Variants in CCDC66 observed in about 807,000 individuals in gnomAD.
CCDC66 encodes coiled-coil domain containing 66, also known as coiled-coil domain-containing protein 66.
Under a neutral mutation model 128.3 loss-of-function variants are expected in CCDC66, and 133 were observed. The ratio of observed to expected loss-of-function variants is 1.04; its 90% CI spans 0.90 to 1.20. The LOEUF (loss-of-function observed/expected upper bound fraction) is 1.20. Ranked by LOEUF, CCDC66 falls within the 50% of genes most tolerant of loss-of-function variation. The pLI is 0.00. For synonymous variants in CCDC66, 387 were observed against 357.0 expected (o/e 1.08, Z -0.95); for missense variants, 1,126 against 1,075.5 (o/e 1.05, Z -0.66).
intron 7 of CCDC66, among the ~76,000 whole-genome samples, chr3:56,592,188 G>A (rs2071028407): frequency 6.6e-6 from 1 of 152,178 alleles, no homozygotes; most frequent in Non-Finnish European, 1.5e-5. Flanking sequence ...TTCTCCTAGA[G>A]AGAGACATGA....
At chr3:56,619,944 G>GC in intron 17 of CCDC66, 43 bp downstream of exon 17, 1 of 1,590,490 alleles carries the variant, frequency 6.3e-7, no homozygotes, top group South Asian at 1.1e-5. Flanking sequence ...TCTTTATGTG[G>GC]CGTGGGCGGT....
intron 4 of CCDC66, among the ~76,000 whole-genome samples, chr3:56,566,050 A>G (rs1559609448): frequency 6.6e-6 from 1 of 152,134 alleles, no homozygotes; most frequent in East Asian, 1.9e-4. Context: ...TATTTGATAT[A>G]AGAAATTGTA....
At position 56,617,398 on chromosome 3, in the gene CCDC66, A is replaced by G; in HGVS notation, c.2130A>G (p.Lys710=). The G allele has an allele frequency of 6.2e-7, 1 of 1,614,024 alleles. No individual in the cohort carries two copies. The highest frequency in any genetic ancestry group is 8.5e-7 in the Non-Finnish European group (1 of 1,179,972). Residue 710 remains lysine (K), a synonymous_variant, in exon 14 of 18, where the codon AAA becomes AAG. Coordinates refer to ENST00000394672, the MANE Select transcript of CCDC66 (RefSeq NM_001141947.3). ...ATTGGAATATAAATAAGCCACCTAA[A>G]AGGTATATTCCAGCATCAGAAAAGT... ...RPDWNINKPP[K]RYIPASEKYP...
Position 56,563,868 on chromosome 3 carries a change from G to T in CCDC66, c.287G>T (p.Cys96Phe). ...GMTFSSTKDL[C>F]KQCIDKDCLH... ...ACTTTTTCATCCACTAAGGATTTAT[G>T]TAAACAATGTATAGATAAAGACTGT... Residue 96 changes from cysteine to phenylalanine, a missense_variant, in exon 4 of 18, where the codon TGT becomes TTT. Cys to Phe is a radical substitution (Grantham distance 205). Coordinates refer to ENST00000394672, the MANE Select transcript of CCDC66 (RefSeq NM_001141947.3). 1 of 1,600,970 alleles carries T rather than the reference G, an allele frequency of 6.2e-7. No individual in the cohort carries two copies. Among genetic ancestry groups the T allele is most frequent in the Non-Finnish European group, 8.5e-7 (1 of 1,172,550 alleles).
intron 3 of CCDC66, chr3:56,561,419 A>G: frequency 1.1e-5 from 4 of 352,746 alleles, no homozygotes; most frequent in Non-Finnish European, 1.6e-5. Context: ...ACTTTTGATT[A>G]CTAGACTTTT....
chr3:56,558,148 C>T (rs993613960), intron 1 of CCDC66, among the ~76,000 whole-genome samples: 1 of 152,140 alleles, frequency 6.6e-6, no homozygotes, highest in African/African-American at 2.4e-5. Flanking sequence ...CCTAATCAGA[C>T]CTTTCCCAGC....
chr3:56,567,121 G>A, intron 6 of CCDC66, 68 bp downstream of exon 6: 2 of 1,226,026 alleles, frequency 1.6e-6, no homozygotes, highest in East Asian at 4.7e-5. Context: ...GCCGGGCACG[G>A]TGGCTCACAC....
Position 56,582,345 on chromosome 3 carries a change from C to T in CCDC66, c.937-10625C>T, listed in dbSNP as rs1006127753. Among the ~76,000 whole-genome samples, 7 of 151,872 alleles carry T rather than the reference C, an allele frequency of 4.6e-5. No individual in the cohort carries two copies. In the South Asian group the frequency reaches 8.3e-4, roughly 18 times the overall value. ...CCCTTTGCTAGGAAAGGGAATTCCC[C>T]GACCCCTTGCACTTCCAGGGTGAGG... On this transcript the variant is annotated intron_variant, in intron 7 of 17. Transcript: ENST00000394672.
intron 10 of CCDC66, among the ~76,000 whole-genome samples, chr3:56,596,849 G>A (rs1237976665): frequency 1.3e-5 from 2 of 149,924 alleles, no homozygotes; most frequent in African/African-American, 2.5e-5. Context: ...CCACCTCCCA[G>A]GTTCAAGCAA....
At chr3:56,613,953 TG>T (rs2075175933) in intron 11 of CCDC66, among the ~76,000 whole-genome samples, 1 of 152,064 alleles carries the variant, frequency 6.6e-6, no homozygotes, top group East Asian at 1.9e-4. Context: ...CTAATTTTTT[TG>T]TTGGTCTGTG....
At chr3:56,561,316 A>G (rs1208816317) in intron 3 of CCDC66, 3 of 456,276 alleles carry the variant, frequency 6.6e-6, no homozygotes, top group Admixed American at 2.4e-5. Flanking sequence ...TAACCAACTC[A>G]GAACATCTGA....
At chr3:56,599,491 T>G (rs972959928) in intron 10 of CCDC66, among the ~76,000 whole-genome samples, 3 of 152,082 alleles carry the variant, frequency 2.0e-5, no homozygotes, top group African/African-American at 7.3e-5. Context: ...TTAGATTGCT[T>G]TTTGAAATGT....
chr3:56,583,879 C>T (rs1236179541), intron 7 of CCDC66, among the ~76,000 whole-genome samples: 1 of 148,854 alleles, frequency 6.7e-6, no homozygotes, highest in Non-Finnish European at 1.5e-5. Flanking sequence ...GGCGGCCGGG[C>T]AGAGGCGCCC....
Position 56,619,142 on chromosome 3 carries a change from T to A in CCDC66, c.2379-129T>A. ...CTGAAGCAGGAGAGTTGCAGTGAGCTGAGATCGCGCCACTGCACTCCAGCC... is the reference window on the plus strand; with the variant it reads ...CTGAAGCAGGAGAGTTGCAGTGAGCAGAGATCGCGCCACTGCACTCCAGCC... On this transcript the variant is annotated intron_variant, in intron 15 of 17. Coordinates refer to ENST00000394672, the MANE Select transcript of CCDC66 (RefSeq NM_001141947.3). 2 of 722,496 alleles carry A rather than the reference T, an allele frequency of 2.8e-6. 1 individual carries two copies. Among genetic ancestry groups the A allele is most frequent in the Middle Eastern group, 8.1e-4 (2 of 2,458 alleles). 44.8% of individuals were successfully genotyped at this position (722,496 alleles called of 1,614,324 possible). A position where few individuals can be genotyped will look rare whatever the true frequency, so the allele number is the denominator to read the frequency against.
intron 17 of CCDC66, 152 bp downstream of exon 17, chr3:56,620,053 A>C: frequency 1.3e-6 from 1 of 746,486 alleles, no homozygotes; most frequent in South Asian, 2.4e-5. Context: ...GACACAAATA[A>C]AATGGGACTT....
chr3:56,581,856 G>T (rs1326199510), intron 7 of CCDC66, among the ~76,000 whole-genome samples: 1 of 151,890 alleles, frequency 6.6e-6, no homozygotes. Context: ...AGGCTACTCG[G>T]TGGTTAGGGA....
Position 56,557,358 on chromosome 3 carries a change from G to T in CCDC66, c.11+105G>T, listed in dbSNP as rs2064449761. On this transcript the variant is annotated intron_variant, in intron 1 of 17. Transcript: ENST00000394672. ...TCCCTTGGAGTCTTTACTGGAGAAC[G>T]TTCCCAACCTGCGCCGCCGAGAGGG... 9 of 1,429,448 alleles carry T rather than the reference G, an allele frequency of 6.3e-6. No homozygotes were observed. In the South Asian group the frequency reaches 1.2e-4, roughly 19 times the overall value. The allele number at this position is 1,429,448 out of a possible 1,614,324, so 88.5% of individuals were successfully genotyped here. A position where few individuals can be genotyped will look rare whatever the true frequency, so the allele number is the denominator to read the frequency against.
At chr3:56,559,515 C>A (rs12486047) in intron 2 of CCDC66, 54 bp from the exon 3 acceptor site, 967,747 of 1,192,474 alleles carry the variant, frequency 0.81, 398,387 homozygotes, top group Non-Finnish European at 0.86. Context: ...TCTTGCATTA[C>A]CACCTTAGTA....
chr3:56,614,487 CT>C (rs1388413733), intron 11 of CCDC66, among the ~76,000 whole-genome samples: 7 of 152,082 alleles, frequency 4.6e-5, no homozygotes, highest in African/African-American at 9.7e-5. Flanking sequence ...TTAGAGATCT[CT>C]GTGTTAAATG....
Sources: gnomAD v4.1 joint callset for allele counts (sites outside exome capture counted in the v4.1 genomes callset) on GRCh38, gnomAD v4.1.1 for gene constraint, MANE v1.5 for transcripts, NCBI Gene and HGNC (gene_info 2026-07-23, HGNC 2026-07-21) for gene names.